Variants in PKNOX2 observed in about 807,000 individuals in gnomAD.
PKNOX2 encodes homeobox protein PKNOX2.
In PKNOX2, 14 loss-of-function variants were observed where a neutral mutation model predicts 53.1. The observed-to-expected ratio is 0.26, with a 90% confidence interval of 0.17 to 0.41. PKNOX2 has a LOEUF of 0.41. PKNOX2 is among the 10% of genes least tolerant of loss of function. The probability of loss-of-function intolerance (pLI) is 1.00; values close to 1 mark genes in which losing one functional copy is unlikely to be tolerated. For synonymous variants in PKNOX2, 257 were observed against 242.8 expected, an observed-to-expected ratio of 1.06 and a Z score of -0.54; for missense variants, 496 against 602.8, an observed-to-expected ratio of 0.82 and a Z score of 1.85.
At chr11:125,215,344 G>A (rs530273794) in intron 1 of PKNOX2, among the ~76,000 whole-genome samples, 3 of 152,080 alleles carry the variant, frequency 2.0e-5, no homozygotes, top group East Asian at 3.9e-4. Context: ...TCACAGTTCC[G>A]TGACTCAGGC....
intron 2 of PKNOX2, among the ~76,000 whole-genome samples, chr11:125,271,242 T>G (rs933517637): frequency 2.6e-5 from 4 of 152,202 alleles, no homozygotes; most frequent in Non-Finnish European, 5.9e-5. Context: ...CTGAGTTAGT[T>G]TTCAAACTTT....
intron 7 of PKNOX2, among the ~76,000 whole-genome samples, chr11:125,402,482 G>A (rs1954809872): frequency 6.6e-6 from 1 of 152,140 alleles, no homozygotes; most frequent in Non-Finnish European, 1.5e-5. Flanking sequence ...CTCTATTCCA[G>A]GCAAATTGGA....
At chr11:125,387,633 C>G (rs548258522) in intron 6 of PKNOX2, among the ~76,000 whole-genome samples, 1 of 152,220 alleles carries the variant, frequency 6.6e-6, no homozygotes, top group Non-Finnish European at 1.5e-5. Flanking sequence ...CCAGGCCTGA[C>G]CCAGGGATGT....
chr11:125,328,292 C>T (rs1231091687), intron 2 of PKNOX2, among the ~76,000 whole-genome samples: 1 of 151,714 alleles, frequency 6.6e-6, no homozygotes, highest in African/African-American at 2.4e-5. Context: ...TTCTATTTTG[C>T]CCACTAGACT....
At chr11:125,335,230 C>T (rs1161045981) in intron 3 of PKNOX2, among the ~76,000 whole-genome samples, 1 of 152,216 alleles carries the variant, frequency 6.6e-6, no homozygotes, top group Non-Finnish European at 1.5e-5. Flanking sequence ...CCTCTGAACT[C>T]CCTGTAGGAT....
chr11:125,169,053 C>T (rs948453971), intron 1 of PKNOX2, among the ~76,000 whole-genome samples: 7 of 152,286 alleles, frequency 4.6e-5, no homozygotes, highest in South Asian at 2.1e-4. Context: ...CTTTTTCCTA[C>T]GCTGTGTGGC....
At chr11:125,244,832 C>T (rs891479001) in intron 2 of PKNOX2, among the ~76,000 whole-genome samples, 5 of 152,108 alleles carry the variant, frequency 3.3e-5, no homozygotes, top group African/African-American at 9.7e-5. Flanking sequence ...GGGCAGGGTG[C>T]TTGTGAGACT....
intron 1 of PKNOX2, among the ~76,000 whole-genome samples, chr11:125,208,371 G>A (rs890181701): frequency 1.3e-5 from 2 of 152,090 alleles, no homozygotes. Context: ...TATGCCAGCT[G>A]AGGGAATTTG....
intron 3 of PKNOX2, among the ~76,000 whole-genome samples, chr11:125,350,965 G>A (rs1236605475): frequency 6.6e-6 from 1 of 152,262 alleles, no homozygotes; most frequent in South Asian, 2.1e-4. Flanking sequence ...CTGCTACCAG[G>A]CAGGCCCCCT....
Position 125,360,554 on chromosome 11 carries a change from C to T in PKNOX2, c.88-7292C>T, listed in dbSNP as rs566062108. On this transcript the variant is annotated intron_variant, in intron 4 of 12. Coordinates refer to ENST00000298282, the MANE Select transcript of PKNOX2 (RefSeq NM_001382323.2). The stretch of plus-strand genomic sequence containing the variant: ...GCCACTCAATTCCAAGCTGGTAACG[C>T]ATAATGTAACCTTCTGTGACACCAG... 2.2e-4 allele frequency among the ~76,000 whole-genome samples: 34 copies of T among 152,258 alleles called. 1 individual carries two copies. Among genetic ancestry groups the T allele is most frequent in the African/African-American group, 7.9e-4 (33 of 41,540 alleles).
At chr11:125,314,767 T>G (rs1028394481) in intron 2 of PKNOX2, among the ~76,000 whole-genome samples, 3 of 151,784 alleles carry the variant, frequency 2.0e-5, no homozygotes, top group Non-Finnish European at 4.4e-5. Flanking sequence ...ACAAAAAACC[T>G]GGCAGAGATG....
chr11:125,234,065 T>C (rs1358229561), intron 1 of PKNOX2, among the ~76,000 whole-genome samples: 1 of 152,078 alleles, frequency 6.6e-6, no homozygotes, highest in Non-Finnish European at 1.5e-5. Flanking sequence ...CTTGCTTGGA[T>C]AGCCCCCGTC....
intron 2 of PKNOX2, among the ~76,000 whole-genome samples, chr11:125,295,234 C>A (rs1947573572): frequency 6.6e-6 from 1 of 152,142 alleles, no homozygotes; most frequent in Admixed American, 6.5e-5. Flanking sequence ...CAACAATGAA[C>A]AAGGTAGCAT....
At chr11:125,326,193 C>G (rs1949808983) in intron 2 of PKNOX2, among the ~76,000 whole-genome samples, 1 of 152,132 alleles carries the variant, frequency 6.6e-6, no homozygotes, top group South Asian at 2.1e-4. Flanking sequence ...CAGGGGCTCA[C>G]AAAATTGAGT....
At chr11:125,218,542 G>C (rs921258353) in intron 1 of PKNOX2, among the ~76,000 whole-genome samples, 3 of 152,170 alleles carry the variant, frequency 2.0e-5, no homozygotes, top group Non-Finnish European at 4.4e-5. Flanking sequence ...AAAGCACGGA[G>C]GTGTGAGCAA....
intron 2 of PKNOX2, among the ~76,000 whole-genome samples, chr11:125,237,925 A>T (rs934571644): frequency 2.0e-5 from 3 of 152,132 alleles, no homozygotes; most frequent in Non-Finnish European, 4.4e-5. Context: ...TTTCACACAA[A>T]GATTAGGATT....
intron 9 of PKNOX2, chr11:125,411,514 C>G (rs1181441142): frequency 1.8e-5 from 9 of 494,926 alleles, no homozygotes; most frequent in Non-Finnish European, 3.4e-5. Context: ...CTCTCTCCCC[C>G]CCTTCCCCAT....
At chr11:125,362,130 AG>A (rs72031599) in intron 4 of PKNOX2, among the ~76,000 whole-genome samples, 6,283 of 152,174 alleles carry the variant, frequency 0.041, 420 homozygotes, top group African/African-American at 0.14. Flanking sequence ...ACACATGCAG[AG>A]GGGGGTGAAG....
intron 4 of PKNOX2, among the ~76,000 whole-genome samples, chr11:125,356,037 C>CT (rs990893181): frequency 5.4e-5 from 8 of 148,802 alleles, no homozygotes; most frequent in Non-Finnish European, 7.5e-5. Context: ...GCACCCCCCC[C>CT]CCCACAACTT....
Sources: allele counts gnomAD v4.1 joint callset (sites outside exome capture counted in the v4.1 genomes callset), GRCh38; gene constraint gnomAD v4.1.1; transcripts MANE v1.5; gene names NCBI Gene and HGNC (gene_info 2026-07-23, HGNC 2026-07-21).